The following TRIO variants were observed in gnomAD, a reference collection of about 807,000 sequenced individuals.
The protein encoded by TRIO is trio Rho guanine nucleotide exchange factor.
In TRIO, 58 loss-of-function variants were observed where a neutral mutation model predicts 351.9. That is an observed-to-expected ratio of 0.16 (90% CI 0.13 to 0.21). The LOEUF is 0.21. Ranked by LOEUF, TRIO falls within the 10% of genes least tolerant of loss-of-function variation. The pLI, the probability that TRIO is intolerant of heterozygous loss-of-function variation, is 1.00. For synonymous variants in TRIO, 1,758 were observed against 1,595.7 expected (o/e 1.10, Z -2.42); for missense variants, 3,201 against 4,027.8 (o/e 0.79, Z 5.56).
chr5:14,262,196 CTT>C (rs1320089769), intron 1 of TRIO, among the ~76,000 whole-genome samples: 1 of 152,114 alleles, frequency 6.6e-6, no homozygotes, highest in Non-Finnish European at 1.5e-5. Context: ...ACCGAGAAGT[CTT>C]TTGATATTTC....
rs372683 is a variant in TRIO at position 14,304,757 on chromosome 5, A to G, written c.1500+165A>G. ...CATTTGAACCCCTGTGTGTGTGGGG[A>G]GTGGGGTGGGGCAGTAGGGGAAGCA... is the stretch of plus-strand genomic sequence containing the variant. On this transcript the variant is annotated intron_variant, in intron 8 of 56. Transcript: ENST00000344204. 0.013 allele frequency among the ~76,000 whole-genome samples: 1,971 copies of G among 152,004 alleles called. 40 individuals carry two copies. The highest frequency in any genetic ancestry group is 0.045 in the African/African-American group (1,860 of 41,436).
rs1417675720 is a variant in TRIO, at chr5:14,502,604, G to C, written c.8358G>C (p.Val2786=). 6.2e-7 allele frequency: 1 copy of C among 1,614,214 alleles called. No individual in the cohort carries two copies. Among genetic ancestry groups the C allele is most frequent in the South Asian group, 1.1e-5 (1 of 91,086 alleles). The change falls in exon 54 of 57, where the codon GTG becomes GTC. Residue 2786 remains valine, a synonymous_variant. Transcript: ENST00000344204. ...GTCCAGGGATGGATGGGATCATGGT[G>C]ACCTGGAAAGACAACTTTGACTCCT... The part of the protein sequence containing the change: ...VLGPGMDGIM[V]TWKDNFDSFY...
At chr5:14,161,475 A>G (rs542227191) in intron 1 of TRIO, among the ~76,000 whole-genome samples, 2 of 152,084 alleles carry the variant, frequency 1.3e-5, no homozygotes, top group East Asian at 3.9e-4. Flanking sequence ...TGGATTCTGG[A>G]CTGGTTCCTT....
At chr5:14,333,408 G>T (rs1403380084) in intron 10 of TRIO, among the ~76,000 whole-genome samples, 3 of 152,174 alleles carry the variant, frequency 2.0e-5, no homozygotes, top group African/African-American at 7.2e-5. Context: ...CTGGGAATTT[G>T]TGTGCCTTTT....
chr5:14,267,106 C>A (rs1307984405), intron 1 of TRIO, among the ~76,000 whole-genome samples: 1 of 152,094 alleles, frequency 6.6e-6, no homozygotes. Flanking sequence ...TTATATAATT[C>A]AAAAAGTGGG....
chr5:14,359,058 A>C (rs1169370776), intron 12 of TRIO, among the ~76,000 whole-genome samples: 1 of 152,202 alleles, frequency 6.6e-6, no homozygotes, highest in Non-Finnish European at 1.5e-5. Flanking sequence ...TTTTTTACTT[A>C]AGAAGAAAAG....
chr5:14,293,087 G>A lies in TRIO; in HGVS notation c.1129G>A (p.Ala377Thr), dbSNP rs777563367. 6.2e-7 allele frequency: 1 copy of A among 1,614,198 alleles called. No homozygotes were observed. The highest frequency in any genetic ancestry group is 8.5e-7 in the Non-Finnish European group (1 of 1,180,012). Residue 377 changes from alanine (A) to threonine (T), a missense_variant, in exon 6 of 57, where the codon GCC (alanine) becomes ACC (threonine). Ala to Thr is a moderately conservative substitution (Grantham distance 58, BLOSUM62 0). Around this residue, in one of 19 missense-constraint regions of TRIO, gnomAD observed 349 missense variants for 449.3 expected, o/e 0.78. Transcript: ENST00000344204. ...AGAGATTGGGACCAGCCACCCTCAT[G>A]CCATGGAGCTTCAGACGCAGCACAA... ...YTEIGTSHPH[A>T]MELQTQHNHF...
intron 34 of TRIO, among the ~76,000 whole-genome samples, chr5:14,425,783 G>A (rs1750591102): frequency 6.6e-6 from 1 of 152,174 alleles, no homozygotes; most frequent in Non-Finnish European, 1.5e-5. Flanking sequence ...CCATGTGAGG[G>A]CACAGAAGGC....
intron 30 of TRIO, 188 bp downstream of exon 30, chr5:14,399,258 GCTCT>G: frequency 1.6e-6 from 1 of 607,884 alleles, no homozygotes; most frequent in Non-Finnish European, 2.9e-6. Context: ...ACTAGAGGGT[GCTCT>G]GGAGTTTATA....
At chr5:14,389,122 A>G (rs577170164) in intron 24 of TRIO, among the ~76,000 whole-genome samples, 167 bp from the exon 25 acceptor site, 5 of 152,242 alleles carry the variant, frequency 3.3e-5, no homozygotes, top group Non-Finnish European at 5.9e-5. Flanking sequence ...ATTAACAGCA[A>G]CTGAGGGCCT....
chr5:14,372,611 A>G (rs1745217820), intron 18 of TRIO, among the ~76,000 whole-genome samples: 1 of 152,200 alleles, frequency 6.6e-6, no homozygotes, highest in African/African-American at 2.4e-5. Flanking sequence ...GGCAGAGTAA[A>G]TGCTTGCTTG....
chr5:14,158,551 G>A (rs111721535), intron 1 of TRIO, among the ~76,000 whole-genome samples: 96 of 152,322 alleles, frequency 6.3e-4, no homozygotes, highest in African/African-American at 2.2e-3. Context: ...TAGTGATGAG[G>A]CTGGAAACGG....
chr5:14,466,759 ATG>A (rs1754290199), intron 37 of TRIO, among the ~76,000 whole-genome samples: 1 of 152,190 alleles, frequency 6.6e-6, no homozygotes, highest in East Asian at 1.9e-4. Context: ...AAACATATAT[ATG>A]TGTGTGCGTT....
intron 11 of TRIO, among the ~76,000 whole-genome samples, chr5:14,339,472 C>A (rs1392238612): frequency 6.6e-6 from 1 of 152,156 alleles, no homozygotes; most frequent in African/African-American, 2.4e-5. Context: ...GACCTTAAAT[C>A]AGTTTTAAGG....
chr5:14,485,545 C>G (rs998481884), intron 47 of TRIO, among the ~76,000 whole-genome samples: 1 of 152,210 alleles, frequency 6.6e-6, no homozygotes, highest in African/African-American at 2.4e-5. Flanking sequence ...GGCTCTTGGT[C>G]TGTGCCCCTC....
At chr5:14,209,650 G>A (rs1220826523) in intron 1 of TRIO, among the ~76,000 whole-genome samples, 3 of 152,142 alleles carry the variant, frequency 2.0e-5, no homozygotes, top group African/African-American at 7.2e-5. Flanking sequence ...TGGATCTCTC[G>A]AGCAGCGGTT....
At chr5:14,257,333 G>A (rs973398422) in intron 1 of TRIO, among the ~76,000 whole-genome samples, 36 of 152,304 alleles carry the variant, frequency 2.4e-4, no homozygotes, top group African/African-American at 7.9e-4. Flanking sequence ...AGGGAGACAC[G>A]GAATTCTTAG....
chr5:14,270,418 T>C (rs1795914240), intron 1 of TRIO, among the ~76,000 whole-genome samples: 1 of 152,226 alleles, frequency 6.6e-6, no homozygotes, highest in Non-Finnish European at 1.5e-5. Flanking sequence ...CTAGAGGTTT[T>C]AGGATGTCAC....
At chr5:14,205,401 G>A (rs987677606) in intron 1 of TRIO, among the ~76,000 whole-genome samples, 2 of 152,218 alleles carry the variant, frequency 1.3e-5, no homozygotes, top group Non-Finnish European at 2.9e-5. Context: ...ACAGTGAACA[G>A]TAGTTCCTCA....
Sources: allele counts gnomAD v4.1 joint callset (sites outside exome capture counted in the v4.1 genomes callset), GRCh38; gene constraint gnomAD v4.1.1; regional missense constraint gnomAD v4.1.1; transcripts MANE v1.5; gene names NCBI Gene and HGNC (gene_info 2026-07-23, HGNC 2026-07-21).